Variants in TECRL observed in about 807,000 individuals in gnomAD.
TECRL encodes trans-2,3-enoyl-CoA reductase-like.
Under a neutral mutation model 52.8 loss-of-function variants are expected in TECRL, and 63 were observed. The ratio of observed to expected loss-of-function variants is 1.19; its 90% CI spans 0.97 to 1.47. The LOEUF (loss-of-function observed/expected upper bound fraction) is 1.47. Among genes scored for constraint, TECRL ranks in the 40% most tolerant of loss-of-function variants. The pLI is 0.00. For missense variants in TECRL, 482 were observed against 429.6 expected, an observed-to-expected ratio of 1.12 and a Z score of -1.08; for synonymous variants, 164 against 141.9, an observed-to-expected ratio of 1.16 and a Z score of -1.10.
At chr4:64,288,037 T>C (rs1005007382) in intron 9 of TECRL, among the ~76,000 whole-genome samples, 76 of 151,794 alleles carry the variant, frequency 5.0e-4, no homozygotes, top group African/African-American at 1.8e-3. Flanking sequence ...TCCCAGCTAC[T>C]CAGGAGGCTG....
At chr4:64,295,505 A>T (rs552372159) in intron 8 of TECRL, among the ~76,000 whole-genome samples, 1 of 151,582 alleles carries the variant, frequency 6.6e-6, no homozygotes, top group African/African-American at 2.4e-5. Flanking sequence ...TTATTTTTTA[A>T]TTTATAGAGC....
chr4:64,281,554 T>A lies in TECRL; in HGVS notation c.838A>T (p.Asn280Tyr), dbSNP rs759822559. The change falls in exon 10 of 12, where the codon AAT becomes TAT. Residue 280 changes from asparagine (N) to tyrosine (Y), a missense_variant. By Grantham distance (143) the Asn-to-Tyr change is moderately radical. Coordinates refer to ENST00000381210, the MANE Select transcript of TECRL (RefSeq NM_001010874.5). ...TAATTTGGACTTGGGAAACAGGCAT[T>A]GTTTCCTTTTTCAAAGGAAAGTAAA... is the stretch of plus-strand genomic sequence containing the variant. ...MLSHPNHTGNNACFPSPNYNP... is the reference protein window; with the variant it reads ...MLSHPNHTGNYACFPSPNYNP... 1.9e-5 allele frequency: 30 copies of A among 1,590,456 alleles called. No individual in the cohort carries two copies. The highest frequency in any genetic ancestry group is 2.5e-5 in the Non-Finnish European group (29 of 1,165,658).
chr4:64,305,479 AGGGAGGGT>A (rs1481910606), intron 6 of TECRL, among the ~76,000 whole-genome samples: 3 of 152,108 alleles, frequency 2.0e-5, no homozygotes, highest in African/African-American at 7.2e-5. Flanking sequence ...GCAGGCAGAG[AGGGAGGGT>A]CTCAGAAGAG....
chr4:64,396,590 T>C (rs1321710554), intron 1 of TECRL, among the ~76,000 whole-genome samples: 1 of 152,172 alleles, frequency 6.6e-6, no homozygotes, highest in Admixed American at 6.5e-5. Context: ...AACACTTTCT[T>C]CCTTCCTTAG....
chr4:64,409,167 A>G lies in TECRL; in HGVS notation c.185T>C (p.Ile62Thr), dbSNP rs1453552815. The part of the protein sequence containing the change: ...VKHSKTTHFE[I>T]EIFDAQTRKQ... ...CCTTGTTTGAGCATCAAATATTTCA[A>G]TCTCAAAGTGAGTCGTTTTTGAATG... Residue 62 changes from isoleucine (I) to threonine (T), a missense_variant, in exon 1 of 12, where the codon ATT (isoleucine) becomes ACT (threonine). Transcript: ENST00000381210. 6 of 1,613,622 alleles carry G rather than the reference A, an allele frequency of 3.7e-6. No homozygotes were observed. Among genetic ancestry groups the G allele is most frequent in the East Asian group, 4.5e-5 (2 of 44,826 alleles).
chr4:64,377,246 A>G (rs550514643), intron 1 of TECRL, among the ~76,000 whole-genome samples: 2 of 152,180 alleles, frequency 1.3e-5, no homozygotes, highest in Non-Finnish European at 2.9e-5. Context: ...TAAATCAGAA[A>G]GAAATTAACT....
intron 2 of TECRL, among the ~76,000 whole-genome samples, chr4:64,345,185 G>A (rs1298055403): frequency 6.6e-6 from 1 of 152,098 alleles, no homozygotes; most frequent in Non-Finnish European, 1.5e-5. Flanking sequence ...ATTTGACCCA[G>A]CCATCCCATT....
At chr4:64,334,045 A>AAAAAAAG in intron 2 of TECRL, among the ~76,000 whole-genome samples, 1 of 119,836 alleles carries the variant, frequency 8.3e-6, no homozygotes, top group Admixed American at 8.1e-5. Context: ...AAAAAAAAAA[A>AAAAAAAG]AAAAGAAAAA....
intron 2 of TECRL, among the ~76,000 whole-genome samples, chr4:64,330,886 T>C (rs1718591283): frequency 6.6e-6 from 1 of 152,116 alleles, no homozygotes; most frequent in Non-Finnish European, 1.5e-5. Flanking sequence ...AAGATGAACA[T>C]ATTTTATTTC....
At chr4:64,319,685 T>G (rs1472666015) in intron 4 of TECRL, among the ~76,000 whole-genome samples, 2 of 151,862 alleles carry the variant, frequency 1.3e-5, no homozygotes, top group African/African-American at 4.8e-5. Context: ...AGCAAAATAC[T>G]AAAAACCACC....
Position 64,278,089 on chromosome 4 carries a change from C to T in TECRL, c.*1983G>A, listed in dbSNP as rs969129076. On this transcript the variant is annotated 3_prime_UTR_variant, in exon 12 of 12. Transcript: ENST00000381210. ...GTGTATATATATACACATATACACACGTACACACATATTTTGAAATATATT... is the reference window on the plus strand; with the variant it reads ...GTGTATATATATACACATATACACATGTACACACATATTTTGAAATATATT... 1.8e-4 allele frequency: 27 copies of T among 148,772 alleles called. No individual in the cohort carries two copies. Among genetic ancestry groups the T allele is most frequent in the African/African-American group, 6.1e-4 (25 of 41,222 alleles). The allele number at this position is 148,772 out of a possible 1,614,324, so 9.2% of individuals were successfully genotyped here.
intron 1 of TECRL, among the ~76,000 whole-genome samples, chr4:64,394,933 G>C (rs1316588132): frequency 9.2e-6 from 1 of 108,620 alleles, no homozygotes; most frequent in African/African-American, 4.0e-5. Context: ...TTTTTTTTGA[G>C]ACAGAGTCTC....
rs939838974 is a variant in TECRL, at chr4:64,375,208, T to C, written c.250A>G (p.Thr84Ala). Residue 84 changes from threonine (T) to alanine (A), a missense_variant, in exon 2 of 12, where the codon ACT becomes GCT. Physicochemically the swap from Thr to Ala is moderately conservative, Grantham distance 58. Transcript: ENST00000381210. Reference protein sequence around the residue: ...CILDKVTQSSTIHDVKQKFHK... With the variant: ...CILDKVTQSSAIHDVKQKFHK... Reference sequence around the variant, plus strand: ...AACTTTTGCTTAACATCATGAATAGTAGATGATTGTGTCACCTGAAAAGGA... The same window carrying C: ...AACTTTTGCTTAACATCATGAATAGCAGATGATTGTGTCACCTGAAAAGGA... 1.4e-6 allele frequency: 2 copies of C among 1,408,992 alleles called. No homozygotes were observed. The highest frequency in any genetic ancestry group is 1.9e-6 in the Non-Finnish European group (2 of 1,063,866). The allele number at this position is 1,408,992 out of a possible 1,614,324, so 87.3% of individuals were successfully genotyped here. A position where few individuals can be genotyped will look rare whatever the true frequency, so the allele number is the denominator to read the frequency against.
At chr4:64,394,307 A>T (rs1335888659) in intron 1 of TECRL, among the ~76,000 whole-genome samples, 1 of 152,172 alleles carries the variant, frequency 6.6e-6, no homozygotes, top group Non-Finnish European at 1.5e-5. Context: ...GACAACTATC[A>T]AACATAATAG....
rs550094739 is a variant in TECRL, at chr4:64,300,185, CT to C, written c.731-169del. On this transcript the variant is annotated intron_variant, in intron 7 of 11. Coordinates refer to ENST00000381210, the MANE Select transcript of TECRL (RefSeq NM_001010874.5). ...ATACTTTTGCAATCTAAAGTGTTGA[CT>C]TTTTTTTCACATGTACTTTTGTTAT... is the stretch of plus-strand genomic sequence containing the variant. Among the ~76,000 whole-genome samples the C allele has an allele frequency of 0.01, 1,503 of 149,744 alleles. 15 individuals carry two copies. Among genetic ancestry groups the C allele is most frequent in the Middle Eastern group, 0.034 (10 of 294 alleles).
intron 2 of TECRL, among the ~76,000 whole-genome samples, chr4:64,349,784 A>G (rs2109567563): frequency 6.6e-6 from 1 of 152,334 alleles, no homozygotes; most frequent in Middle Eastern, 3.4e-3. Context: ...TTGAATTCCA[A>G]CATTTCCAGA....
At chr4:64,287,504 T>G (rs1015496485) in intron 9 of TECRL, among the ~76,000 whole-genome samples, 4 of 152,118 alleles carry the variant, frequency 2.6e-5, no homozygotes, top group African/African-American at 9.7e-5. Flanking sequence ...TACAATAAAA[T>G]TATATATTAT....
At chr4:64,348,468 C>T (rs1460315108) in intron 2 of TECRL, among the ~76,000 whole-genome samples, 1 of 152,172 alleles carries the variant, frequency 6.6e-6, no homozygotes, top group Non-Finnish European at 1.5e-5. Flanking sequence ...CATTGCCATT[C>T]TTCCAGATAT....
intron 1 of TECRL, among the ~76,000 whole-genome samples, chr4:64,406,880 T>G (rs1724762910): frequency 6.6e-6 from 1 of 151,932 alleles, no homozygotes; most frequent in Middle Eastern, 3.2e-3. Flanking sequence ...CCAGGTACAA[T>G]GAAAGGCACT....
Sources: gnomAD v4.1 joint callset for allele counts (sites outside exome capture counted in the v4.1 genomes callset) on GRCh38, gnomAD v4.1.1 for gene constraint, MANE v1.5 for transcripts, NCBI Gene and HGNC (gene_info 2026-07-23, HGNC 2026-07-21) for gene names.